The following L3MBTL3 variants were observed in gnomAD, a reference collection of about 807,000 sequenced individuals.
L3MBTL3 encodes L3MBTL histone methyl-lysine binding protein 3, also known as lethal(3)malignant brain tumor-like protein 3.
Under a neutral mutation model 102.3 loss-of-function variants are expected in L3MBTL3, and 27 were observed. The observed-to-expected ratio is 0.26, with a 90% CI of 0.19 to 0.36. The LOEUF (loss-of-function observed/expected upper bound fraction) is 0.36, where lower values mean the gene tolerates loss of function less well. L3MBTL3 is among the 10% of genes least tolerant of loss of function. The pLI is 1.00. For missense variants in L3MBTL3, 798 were observed against 955.3 expected, an observed-to-expected ratio of 0.84 and a Z score of 2.17; for synonymous variants, 340 against 320.9, an observed-to-expected ratio of 1.06 and a Z score of -0.64.
intron 2 of L3MBTL3, among the ~76,000 whole-genome samples, chr6:130,028,707 A>G (rs1381264761): frequency 1.3e-5 from 2 of 152,226 alleles, no homozygotes; most frequent in East Asian, 3.8e-4. Context: ...ATTTTTCTTC[A>G]TAGCAATGTG....
At chr6:130,030,786 C>T (rs1022666753) in intron 2 of L3MBTL3, among the ~76,000 whole-genome samples, 2 of 149,706 alleles carry the variant, frequency 1.3e-5, no homozygotes, top group East Asian at 4.0e-4. Context: ...TGGCAACTGT[C>T]TTGGAAGGTA....
intron 3 of L3MBTL3, among the ~76,000 whole-genome samples, chr6:130,046,603 T>G (rs943904669): frequency 1.3e-4 from 20 of 152,214 alleles, no homozygotes; most frequent in Admixed American, 1.3e-3. Context: ...CCTGGATATA[T>G]CCACATGCAG....
rs187782715 is a variant in L3MBTL3, at chr6:130,087,914, T to G, written c.1518+1664T>G. Among the ~76,000 whole-genome samples, 6 of 152,282 alleles carry G rather than the reference T, an allele frequency of 3.9e-5. No individual in the cohort carries two copies. In the East Asian group the frequency reaches 1.2e-3, roughly 29 times the overall value. ...CATACCAAAGTAATGACAGTGCTTC[T>G]TTCAGGGTGCTGAAAGTATAAATGG... is the stretch of plus-strand genomic sequence containing the variant. On this transcript the variant is annotated intron_variant, in intron 16 of 22. Coordinates refer to ENST00000361794, the MANE Select transcript of L3MBTL3 (RefSeq NM_032438.4).
rs552302481 is a variant in L3MBTL3, at chr6:130,085,764, T to A, written c.1408-376T>A. Among the ~76,000 whole-genome samples, 5 of 152,308 alleles carry A rather than the reference T, an allele frequency of 3.3e-5. No homozygotes were observed. The South Asian group carries it at 6.2e-4, about 19-fold the overall frequency. The stretch of plus-strand genomic sequence containing the variant: ...ATAGCCCAGCTATTTCTTTTTTTAA[T>A]TTTTATTTTTTTGAGACAGTCTCCC... On this transcript the variant is annotated intron_variant, in intron 15 of 22. Coordinates refer to ENST00000361794, the MANE Select transcript of L3MBTL3 (RefSeq NM_032438.4).
At chr6:130,106,891 A>G (rs1785016706) in intron 19 of L3MBTL3, among the ~76,000 whole-genome samples, 1 of 152,198 alleles carries the variant, frequency 6.6e-6, no homozygotes, top group Non-Finnish European at 1.5e-5. Flanking sequence ...CCTCCTTTTC[A>G]GGAAAATCCT....
At position 130,058,508 on chromosome 6, in the gene L3MBTL3, TG is replaced by T. The variant is rs1436615069; in HGVS notation, c.759+1013del. On this transcript the variant is annotated intron_variant, in intron 9 of 22. Transcript: ENST00000361794. ...AAAAAATTAAAAATATAGCGGAGTGTGGTGTTCAAAGTTGCAGTGAGCTGCA... is the reference window on the plus strand; with the variant it reads ...AAAAAATTAAAAATATAGCGGAGTGTGTGTTCAAAGTTGCAGTGAGCTGCA... 5.3e-5 allele frequency among the ~76,000 whole-genome samples: 8 copies of T among 150,750 alleles called. No individual in the cohort carries two copies. In the East Asian group the frequency reaches 1.6e-3, roughly 29 times the overall value.
intron 10 of L3MBTL3, among the ~76,000 whole-genome samples, chr6:130,065,745 T>G (rs1432270467): frequency 6.6e-6 from 1 of 152,172 alleles, no homozygotes; most frequent in Non-Finnish European, 1.5e-5. Flanking sequence ...CTATATGACC[T>G]TCTAAATCAG....
At chr6:130,019,573 T>C (rs186374949) in intron 1 of L3MBTL3, 1 of 150,782 alleles carries the variant, frequency 6.6e-6, no homozygotes, top group African/African-American at 2.4e-5. Context: ...GCGTGTGCTG[T>C]GTGTGTGCGC....
chr6:130,070,581 T>C (rs1215633092), intron 12 of L3MBTL3, among the ~76,000 whole-genome samples: 2 of 152,126 alleles, frequency 1.3e-5, no homozygotes, highest in Non-Finnish European at 2.9e-5. Context: ...ATATTTTGTG[T>C]GAATAATTTT....
intron 1 of L3MBTL3, among the ~76,000 whole-genome samples, chr6:130,021,182 G>A (rs1033482933): frequency 2.6e-5 from 4 of 152,176 alleles, no homozygotes; most frequent in Non-Finnish European, 4.4e-5. Flanking sequence ...TTCAAGTGCA[G>A]CAAAATAGCG....
chr6:130,099,265 G>C (rs1488399428), intron 18 of L3MBTL3, among the ~76,000 whole-genome samples: 1 of 152,078 alleles, frequency 6.6e-6, no homozygotes, highest in Non-Finnish European at 1.5e-5. Flanking sequence ...GCTTGCTGAG[G>C]AGTTGCATAA....
chr6:130,022,204 C>G (rs1330199530), intron 1 of L3MBTL3, 23 bp from the exon 2 acceptor site: 1 of 152,182 alleles, frequency 6.6e-6, no homozygotes, highest in Non-Finnish European at 1.5e-5. Context: ...ATTTTACCTT[C>G]CCTCTCTTTA....
intron 22 of L3MBTL3, chr6:130,137,819 C>G (rs1337746660): frequency 6.6e-6 from 1 of 152,212 alleles, no homozygotes; most frequent in East Asian, 1.9e-4. Flanking sequence ...TAAGGTCTGC[C>G]TTGGTTGAGC....
In L3MBTL3 at chr6:130,062,684, C is replaced by T. The variant is rs565289644; in HGVS notation, c.864+2544C>T. On this transcript the variant is annotated intron_variant, in intron 10 of 22. Transcript: ENST00000361794. ...TGCTTGTATAACAGGCATGAGCCAC[C>T]ACACCTGGCATACATATTCTTTAAC... Among the ~76,000 whole-genome samples the T allele has an allele frequency of 3.5e-4, 53 of 151,632 alleles. 1 individual carries two copies. Among genetic ancestry groups the T allele is most frequent in the Non-Finnish European group, 6.5e-4 (44 of 67,926 alleles).
chr6:130,120,903 A>G lies in L3MBTL3; in HGVS notation c.1911A>G (p.Lys637=). 2 of 1,612,526 alleles carry G rather than the reference A, an allele frequency of 1.2e-6. No homozygotes were observed. The highest frequency in any genetic ancestry group is 1.7e-6 in the Non-Finnish European group (2 of 1,179,192). The change falls in exon 20 of 23, where the codon AAA becomes AAG. Residue 637 remains lysine (K), a synonymous_variant. Transcript: ENST00000361794. ...GAGACCAGCATGCTGATGATGTCAA[A>G]GAAGACTTTGAAGAGAGAACAGAAA... ...EIRDQHADDV[K]EDFEERTESE...
At chr6:130,136,377 G>A (rs564474390) in intron 22 of L3MBTL3, among the ~76,000 whole-genome samples, 2 of 152,200 alleles carry the variant, frequency 1.3e-5, no homozygotes, top group Admixed American at 6.5e-5. Flanking sequence ...TGCCCCTCAC[G>A]AGTCTACGTG....
chr6:130,088,773 C>G (rs1183154093), intron 16 of L3MBTL3, among the ~76,000 whole-genome samples: 5 of 152,140 alleles, frequency 3.3e-5, no homozygotes, highest in African/African-American at 7.2e-5. Flanking sequence ...ATATTCTACT[C>G]TTTCTCAGTT....
At chr6:130,049,673 A>C in intron 4 of L3MBTL3, 83 bp from the exon 5 acceptor site, 1 of 1,563,388 alleles carries the variant, frequency 6.4e-7, no homozygotes, top group South Asian at 1.1e-5. Context: ...ATTTAGCCAA[A>C]AGCCTGCCAC....
rs374854677 is a variant in L3MBTL3 at position 130,092,871 on chromosome 6, G to A, written c.1633+12G>A. On this transcript the variant is annotated intron_variant, in intron 17 of 22. Transcript: ENST00000361794. ...TCAGCCTCCTTTGAGTAAGAGACAC[G>A]AATAGCTTGTATAAATGTTTCCATT... 52 of 1,436,338 alleles carry A rather than the reference G, an allele frequency of 3.6e-5. No individual in the cohort carries two copies. In the Admixed American group the frequency reaches 4.7e-4, roughly 13 times the overall value. The allele number at this position is 1,436,338 out of a possible 1,614,324, so 89.0% of individuals were successfully genotyped here.
Sources: allele counts gnomAD v4.1 joint callset (sites outside exome capture counted in the v4.1 genomes callset), GRCh38; gene constraint gnomAD v4.1.1; transcripts MANE v1.5; gene names NCBI Gene and HGNC (gene_info 2026-07-23, HGNC 2026-07-21).